The following DOCK1 variants were observed in gnomAD, a reference collection of about 807,000 sequenced individuals.
The protein encoded by DOCK1 is dedicator of cytokinesis 1.
A neutral mutation model predicts 262.7 loss-of-function variants in DOCK1; 138 were observed. That is an observed-to-expected ratio of 0.53 (90% confidence interval 0.46 to 0.61). The LOEUF (loss-of-function observed/expected upper bound fraction) is 0.61. DOCK1 is among the 20% of genes least tolerant of loss of function. DOCK1 has a pLI of 0.00. For synonymous variants in DOCK1, 866 were observed against 867.4 expected (o/e 1.00, Z 0.03); for missense variants, 1,908 against 2,370.7 (o/e 0.80, Z 4.05).
Position 127,380,141 on chromosome 10 carries a change from T to C in DOCK1, c.3716+19T>C. The C allele has an allele frequency of 6.9e-7, 1 of 1,453,888 alleles. No individual in the cohort carries two copies. Among genetic ancestry groups the C allele is most frequent in the South Asian group, 1.3e-5 (1 of 75,142 alleles). 90.1% of individuals were successfully genotyped at this position (1,453,888 alleles called of 1,614,324 possible). On this transcript the variant is annotated intron_variant, in intron 36 of 51. Transcript: ENST00000623213. Reference sequence around the variant, plus strand: ...ATATAAGGTATGTATGCATCACGCTTGTCTGCATGTTAATTATAAATAATA... The same window carrying C: ...ATATAAGGTATGTATGCATCACGCTCGTCTGCATGTTAATTATAAATAATA...
At chr10:127,267,768 G>C (rs962009513) in intron 29 of DOCK1, among the ~76,000 whole-genome samples, 1 of 152,142 alleles carries the variant, frequency 6.6e-6, no homozygotes, top group Non-Finnish European at 1.5e-5. Flanking sequence ...AAGCAAAATG[G>C]AGGAGATACA....
intron 23 of DOCK1, among the ~76,000 whole-genome samples, chr10:127,071,871 T>TA (rs2046252630): frequency 1.3e-5 from 2 of 152,254 alleles, no homozygotes; most frequent in African/African-American, 4.8e-5. Context: ...TGCCACTTGT[T>TA]AGAGGACAAT....
chr10:127,394,633 CAA>C (rs1326069350), intron 38 of DOCK1, among the ~76,000 whole-genome samples: 2 of 152,140 alleles, frequency 1.3e-5, no homozygotes, highest in African/African-American at 4.8e-5. Flanking sequence ...CCTGAATATT[CAA>C]AGAGATCATA....
chr10:127,055,460 G>C (rs1211554487), intron 22 of DOCK1, among the ~76,000 whole-genome samples: 1 of 152,182 alleles, frequency 6.6e-6, no homozygotes, highest in African/African-American at 2.4e-5. Flanking sequence ...TTATTGGCCA[G>C]AACCATGTCA....
intron 14 of DOCK1, 98 bp downstream of exon 14, chr10:127,023,422 C>T: frequency 6.8e-7 from 1 of 1,473,224 alleles, no homozygotes; most frequent in Non-Finnish European, 9.1e-7. Context: ...CAGGGTGGGG[C>T]TTTGGAGTCC....
At chr10:127,448,704 G>A (rs557414739) in intron 51 of DOCK1, among the ~76,000 whole-genome samples, 1 of 152,154 alleles carries the variant, frequency 6.6e-6, no homozygotes, top group South Asian at 2.1e-4. Flanking sequence ...TTGCTATCCA[G>A]CCTTAGTGAA....
intron 29 of DOCK1, among the ~76,000 whole-genome samples, chr10:127,318,510 A>G (rs1218204721): frequency 6.6e-6 from 1 of 152,180 alleles, no homozygotes; most frequent in African/African-American, 2.4e-5. Context: ...ATGTGCAAGG[A>G]TGGGGGCCCA....
intron 27 of DOCK1, among the ~76,000 whole-genome samples, chr10:127,151,488 G>T (rs1046159107): frequency 2.0e-5 from 3 of 152,068 alleles, no homozygotes; most frequent in Non-Finnish European, 4.4e-5. Context: ...TAAAAATCAG[G>T]AAAGAAAGAT....
intron 3 of DOCK1, among the ~76,000 whole-genome samples, chr10:126,979,815 A>T (rs2038818419): frequency 6.6e-6 from 1 of 152,166 alleles, no homozygotes; most frequent in East Asian, 1.9e-4. Context: ...GGGCCCTAGG[A>T]ATCCTGGCAC....
At chr10:127,210,098 C>G (rs1172708638) in intron 27 of DOCK1, among the ~76,000 whole-genome samples, 1 of 152,306 alleles carries the variant, frequency 6.6e-6, no homozygotes, top group Non-Finnish European at 1.5e-5. Flanking sequence ...AAACCCCAAT[C>G]AAGAAATAAG....
chr10:126,918,980 C>CAA (rs1564982399), intron 1 of DOCK1, among the ~76,000 whole-genome samples: 36 of 151,406 alleles, frequency 2.4e-4, no homozygotes, highest in East Asian at 1.2e-3. Context: ...AGGAGAAAGC[C>CAA]GAGAGGGAGT....
rs140269114 is a variant in DOCK1, at chr10:127,279,900, G to A, written c.3044+22471G>A. 3.8e-3 allele frequency among the ~76,000 whole-genome samples: 579 copies of A among 151,586 alleles called. 5 individuals are homozygous for A. The highest frequency in any genetic ancestry group is 0.013 in the African/African-American group (531 of 41,290). On this transcript the variant is annotated intron_variant, in intron 29 of 51. Transcript: ENST00000623213. ...AAAGCAGTGGCGTTTTCTTAGTATC[G>A]CCATGTAATAGAGTTCGAGAAAAGT... is the stretch of plus-strand genomic sequence containing the variant.
At chr10:127,197,710 A>G (rs949833743) in intron 27 of DOCK1, among the ~76,000 whole-genome samples, 1 of 152,096 alleles carries the variant, frequency 6.6e-6, no homozygotes, top group Non-Finnish European at 1.5e-5. Context: ...TTGCCTATAC[A>G]TCCCTGAGTC....
At chr10:127,036,414 G>C (rs1382183120) in intron 18 of DOCK1, among the ~76,000 whole-genome samples, 1 of 151,410 alleles carries the variant, frequency 6.6e-6, no homozygotes, top group Non-Finnish European at 1.5e-5. Context: ...ATGGATGTCT[G>C]TATTTCCTGA....
intron 2 of DOCK1, among the ~76,000 whole-genome samples, chr10:126,972,836 G>A (rs577464848): frequency 2.0e-5 from 3 of 151,766 alleles, no homozygotes; most frequent in Middle Eastern, 3.4e-3. Flanking sequence ...TGGCCTCTGC[G>A]TGGAAGCCAG....
chr10:127,090,707 G>A (rs2047469388), intron 23 of DOCK1, among the ~76,000 whole-genome samples: 1 of 152,082 alleles, frequency 6.6e-6, no homozygotes, highest in South Asian at 2.1e-4. Context: ...CTGTCTCTAC[G>A]ATTAGCTTCT....
chr10:126,911,228 G>C (rs1300332512), intron 1 of DOCK1, among the ~76,000 whole-genome samples: 1 of 152,162 alleles, frequency 6.6e-6, no homozygotes, highest in Admixed American at 6.5e-5. Context: ...CTTATTGCTT[G>C]TGTAGGTGTG....
chr10:127,138,081 T>C, intron 27 of DOCK1: 1 of 1,446,094 alleles, frequency 6.9e-7, no homozygotes, highest in Admixed American at 2.3e-5. Flanking sequence ...AGATCCCTCT[T>C]AGTGTCAGCA....
At chr10:126,938,622 G>A (rs2034717432) in intron 1 of DOCK1, among the ~76,000 whole-genome samples, 1 of 152,084 alleles carries the variant, frequency 6.6e-6, no homozygotes, top group Admixed American at 6.5e-5. Context: ...ATAAATAACA[G>A]CAATTTATTC....
Sources: allele counts gnomAD v4.1 joint callset (sites outside exome capture counted in the v4.1 genomes callset), GRCh38; gene constraint gnomAD v4.1.1; transcripts MANE v1.5; gene names NCBI Gene and HGNC (gene_info 2026-07-23, HGNC 2026-07-21).